The following CDH23 variants were observed in gnomAD, a reference collection of about 807,000 sequenced individuals.
CDH23 encodes the protein cadherin-23.
A neutral mutation model predicts 317.1 loss-of-function variants in CDH23; 189 were observed. The observed-to-expected ratio is 0.60, with a 90% CI of 0.53 to 0.67. The LOEUF (loss-of-function observed/expected upper bound fraction) is 0.67. CDH23 is among the 30% of genes least tolerant of loss of function. The probability of loss-of-function intolerance (pLI) is 0.00; values close to 1 mark genes in which losing one functional copy is unlikely to be tolerated. For synonymous variants in CDH23, 1,839 were observed against 1,876.8 expected (o/e 0.98, Z 0.52); for missense variants, 4,401 against 4,592.4 (o/e 0.96, Z 1.20).
At chr10:71,587,762 C>G (rs1464685476) in intron 9 of CDH23, among the ~76,000 whole-genome samples, 1 of 152,230 alleles carries the variant, frequency 6.6e-6, no homozygotes, top group Non-Finnish European at 1.5e-5. Flanking sequence ...ATTCCCAGCT[C>G]CCTTTTTCAT....
chr10:71,595,718 C>T (rs1333974260), intron 9 of CDH23, among the ~76,000 whole-genome samples: 1 of 152,222 alleles, frequency 6.6e-6, no homozygotes, highest in Non-Finnish European at 1.5e-5. Context: ...AGACAACGCT[C>T]TGCGGGAGTC....
intron 38 of CDH23, among the ~76,000 whole-genome samples, chr10:71,759,852 C>CACACACACACACACATATAT (rs1564779152): frequency 2.6e-5 from 2 of 76,906 alleles, no homozygotes; most frequent in African/African-American, 1.1e-4. Context: ...CACACATATA[C>CACACACACACACACATATAT]ACACACACAC....
chr10:71,587,929 C>T (rs530894914), intron 9 of CDH23, among the ~76,000 whole-genome samples: 2 of 152,380 alleles, frequency 1.3e-5, no homozygotes, highest in South Asian at 4.1e-4. Context: ...AAGGCGCTGT[C>T]TTAGGCATGC....
intron 11 of CDH23, 133 bp from the exon 12 acceptor site, chr10:71,643,728 G>A (rs1027807765): frequency 3.0e-6 from 2 of 671,834 alleles, no homozygotes; most frequent in Non-Finnish European, 2.7e-6. Context: ...CTCCTCTAGG[G>A]TGTGATCCTG....
At chr10:71,706,045 T>C (rs752686783) in intron 25 of CDH23, among the ~76,000 whole-genome samples, 1 of 152,144 alleles carries the variant, frequency 6.6e-6, no homozygotes, top group Non-Finnish European at 1.5e-5. Flanking sequence ...TGGCCGATGA[T>C]GGACAGGGAA....
Position 71,811,382 on chromosome 10 carries a change from G to T in CDH23, c.9145G>T (p.Asp3049Tyr), listed in dbSNP as rs1263166075. 3 of 1,613,916 alleles carry T rather than the reference G, an allele frequency of 1.9e-6. No homozygotes were observed. The highest frequency in any genetic ancestry group is 2.5e-6 in the Non-Finnish European group (3 of 1,179,894). The stretch of plus-strand genomic sequence containing the variant: ...TCTTTTCCGGAACTACAACGTCCTG[G>T]ACGTGCAGCCTGCCATCTCTGTCCG... ...RNLFRNYNVL[D>Y]VQPAISVRLP... Residue 3049 changes from aspartate to tyrosine, a missense_variant, in exon 63 of 70, where the codon GAC becomes TAC. Transcript: ENST00000224721.
rs1438383095 is a variant in CDH23, at chr10:71,427,201, GAA to G, written c.-5-12624_-5-12623del. 7.3e-4 allele frequency among the ~76,000 whole-genome samples: 48 copies of G among 65,728 alleles called. 1 individual carries two copies. Among genetic ancestry groups the G allele is most frequent in the African/African-American group, 2.4e-3 (36 of 15,030 alleles). The allele number at this position is 65,728 out of a possible 152,430, so 43.1% of individuals were successfully genotyped here. ...AAGGAAGGAAGGAAGGAAAGAGAAA[GAA>G]AGAAAGAAAGAAAGAAAGAAAGAAA... is the stretch of plus-strand genomic sequence containing the variant. On this transcript the variant is annotated intron_variant, in intron 1 of 69. Coordinates refer to ENST00000224721, the MANE Select transcript of CDH23 (RefSeq NM_022124.6).
At chr10:71,592,738 C>T (rs144576851) in intron 9 of CDH23, among the ~76,000 whole-genome samples, 118 of 152,300 alleles carry the variant, frequency 7.7e-4, no homozygotes, top group South Asian at 1.9e-3. Flanking sequence ...AAGTAGCATG[C>T]AGAGCTTGCA....
intron 38 of CDH23, chr10:71,750,967 T>A: frequency 2.5e-6 from 1 of 405,958 alleles, no homozygotes. Flanking sequence ...TTCTGAGACT[T>A]CTTAAGATGT....
intron 38 of CDH23, among the ~76,000 whole-genome samples, chr10:71,745,740 C>T (rs935174913): frequency 6.6e-6 from 1 of 152,232 alleles, no homozygotes; most frequent in African/African-American, 2.4e-5. Flanking sequence ...GCAGATTTCA[C>T]TGGATGCGTG....
chr10:71,538,616 C>T (rs1029820435), intron 6 of CDH23, among the ~76,000 whole-genome samples: 1 of 152,210 alleles, frequency 6.6e-6, no homozygotes, highest in Non-Finnish European at 1.5e-5. Flanking sequence ...TGCATCAAGA[C>T]TGTCTGATGC....
chr10:71,430,547 G>C (rs1048858871), intron 1 of CDH23, among the ~76,000 whole-genome samples: 1 of 152,186 alleles, frequency 6.6e-6, no homozygotes, highest in African/African-American at 2.4e-5. Context: ...AGTGGCTCAC[G>C]CCTGTAATCC....
At chr10:71,680,829 C>CTTTTTTTTTTTTTTTTTTTCT (rs1312991062) in intron 17 of CDH23, among the ~76,000 whole-genome samples, 1 of 70,130 alleles carries the variant, frequency 1.4e-5, no homozygotes. Context: ...TTTTCTTTTT[C>CTTTTTTTTTTTTTTTTTTTCT]TTTTTTTTTT....
intron 36 of CDH23, among the ~76,000 whole-genome samples, chr10:71,740,047 C>T (rs570956949): frequency 4.6e-5 from 7 of 152,190 alleles, no homozygotes; most frequent in African/African-American, 7.2e-5. Flanking sequence ...GAGGGAGAGC[C>T]TGGTGGAGCT....
At chr10:71,527,773 A>C (rs1031550246) in intron 6 of CDH23, among the ~76,000 whole-genome samples, 1 of 152,154 alleles carries the variant, frequency 6.6e-6, no homozygotes, top group Non-Finnish European at 1.5e-5. Flanking sequence ...GGACGATCAC[A>C]AACTTTATAA....
At chr10:71,752,943 A>G (rs1172875618) in intron 38 of CDH23, 1 of 1,610,426 alleles carries the variant, frequency 6.2e-7, no homozygotes, top group Non-Finnish European at 8.5e-7. Flanking sequence ...CGGCCCAGGA[A>G]GTTTTCTCAA....
chr10:71,698,392 A>C (rs142222212), intron 22 of CDH23, among the ~76,000 whole-genome samples: 459 of 152,296 alleles, frequency 3.0e-3, no homozygotes, highest in Middle Eastern at 6.8e-3. Context: ...GTCTGTGGCC[A>C]AAGTGTGAGG....
At chr10:71,662,064 G>A (rs868343273) in intron 14 of CDH23, among the ~76,000 whole-genome samples, 65 of 151,368 alleles carry the variant, frequency 4.3e-4, no homozygotes, top group African/African-American at 1.6e-3. Context: ...CAGATCATGG[G>A]TGATTTATAT....
At chr10:71,627,849 G>A (rs907364579) in intron 11 of CDH23, among the ~76,000 whole-genome samples, 8 of 152,156 alleles carry the variant, frequency 5.3e-5, no homozygotes, top group Admixed American at 6.5e-5. Context: ...AAGCAGTGGC[G>A]GGGCTTCCTG....
Sources: gnomAD v4.1 joint callset for allele counts (sites outside exome capture counted in the v4.1 genomes callset) on GRCh38, gnomAD v4.1.1 for gene constraint, MANE v1.5 for transcripts, NCBI Gene and HGNC (gene_info 2026-07-23, HGNC 2026-07-21) for gene names.